GMDS: variants seen among roughly 807,000 people sequenced by gnomAD.
GMDS encodes GDP-mannose 4,6-dehydratase.
In GMDS, 20 loss-of-function variants were observed where a neutral mutation model predicts 49.9. The observed-to-expected ratio is 0.40, with a 90% CI of 0.28 to 0.58. The LOEUF (loss-of-function observed/expected upper bound fraction) is 0.58, where lower values mean the gene tolerates loss of function less well. Among genes scored for constraint, GMDS ranks in the 20% least tolerant of loss-of-function variants. The pLI, the probability that GMDS is intolerant of heterozygous loss-of-function variation, is 0.42. For missense variants in GMDS, 362 were observed against 481.4 expected (o/e 0.75, Z 2.32); for synonymous variants, 177 against 178.6 (o/e 0.99, Z 0.07).
At chr6:2,164,372 G>A (rs1043700212) in intron 1 of GMDS, among the ~76,000 whole-genome samples, 4 of 152,162 alleles carry the variant, frequency 2.6e-5, no homozygotes, top group Admixed American at 1.3e-4. Context: ...GGAGCCTGCT[G>A]GAGTTACTGG....
chr6:1,670,374 T>G (rs1481113736), intron 9 of GMDS, among the ~76,000 whole-genome samples: 50 of 151,850 alleles, frequency 3.3e-4, no homozygotes, highest in Non-Finnish European at 5.9e-4. Context: ...TTTTTGGTTT[T>G]TTTTTTTTTT....
chr6:2,221,540 C>T (rs1351967381), intron 1 of GMDS, among the ~76,000 whole-genome samples: 1 of 152,138 alleles, frequency 6.6e-6, no homozygotes, highest in African/African-American at 2.4e-5. Context: ...AGGCACCCGC[C>T]ACCACGACCG....
intron 7 of GMDS, among the ~76,000 whole-genome samples, chr6:1,842,735 G>T (rs1757202635): frequency 1.3e-5 from 2 of 152,186 alleles, no homozygotes; most frequent in South Asian, 4.1e-4. Context: ...CTATTTTGAG[G>T]GGTGGGGATA....
At chr6:1,826,832 T>G (rs1351754946) in intron 7 of GMDS, among the ~76,000 whole-genome samples, 2 of 152,006 alleles carry the variant, frequency 1.3e-5, no homozygotes, top group Non-Finnish European at 2.9e-5. Flanking sequence ...TTAGAGAGGC[T>G]GAGGTGGGAG....
At chr6:2,015,139 A>C (rs1240991114) in intron 4 of GMDS, among the ~76,000 whole-genome samples, 2 of 152,160 alleles carry the variant, frequency 1.3e-5, no homozygotes, top group African/African-American at 4.8e-5. Flanking sequence ...TCAGTAATTC[A>C]CAGATCCAAC....
At chr6:2,028,641 A>T (rs189466552) in intron 4 of GMDS, among the ~76,000 whole-genome samples, 52 of 152,342 alleles carry the variant, frequency 3.4e-4, no homozygotes, top group African/African-American at 1.2e-3. Context: ...CACTTTAAAT[A>T]AGGAAATGGG....
chr6:1,637,228 C>T (rs1386756336), intron 9 of GMDS, among the ~76,000 whole-genome samples: 1 of 152,188 alleles, frequency 6.6e-6, no homozygotes, highest in Non-Finnish European at 1.5e-5. Context: ...AGAGGCCTCC[C>T]TTGGCCCTGG....
At chr6:1,999,952 A>T (rs1455414284) in intron 4 of GMDS, among the ~76,000 whole-genome samples, 4 of 29,684 alleles carry the variant, frequency 1.3e-4, no homozygotes, top group African/African-American at 1.9e-4. Context: ...AATATATAAT[A>T]TGTATATTAT....
intron 4 of GMDS, among the ~76,000 whole-genome samples, chr6:2,005,874 CT>C (rs1181953265): frequency 6.6e-6 from 1 of 152,164 alleles, no homozygotes; most frequent in Non-Finnish European, 1.5e-5. Flanking sequence ...AATTCTCCTG[CT>C]ACTTTTCTAA....
At chr6:1,670,525 G>C (rs1450925250) in intron 9 of GMDS, among the ~76,000 whole-genome samples, 1 of 151,770 alleles carries the variant, frequency 6.6e-6, no homozygotes, top group African/African-American at 2.4e-5. Flanking sequence ...GAGCAGCTCA[G>C]ATATGTAAAA....
intron 4 of GMDS, among the ~76,000 whole-genome samples, chr6:1,987,151 C>A (rs1025037655): frequency 6.6e-6 from 1 of 152,040 alleles, no homozygotes; most frequent in African/African-American, 2.4e-5. Context: ...AGAAAAGGGA[C>A]TTGAGAAACC....
chr6:2,243,147 C>T (rs1781695016), intron 1 of GMDS, among the ~76,000 whole-genome samples: 1 of 152,154 alleles, frequency 6.6e-6, no homozygotes, highest in South Asian at 2.1e-4. Flanking sequence ...TCAACCCAAC[C>T]TGAAAGCCAT....
chr6:1,700,432 A>C (rs1281913989), intron 9 of GMDS, among the ~76,000 whole-genome samples: 2 of 152,152 alleles, frequency 1.3e-5, no homozygotes, highest in East Asian at 3.8e-4. Context: ...AGCAGGAGGG[A>C]AGGGAGAGCC....
At position 1,677,935 on chromosome 6, in the gene GMDS, T is replaced by TA. The variant is rs201155439; in HGVS notation, c.987+48480dup. The stretch of plus-strand genomic sequence containing the variant: ...CGTTGTACACATGCACCCTAGAACT[T>TA]AAAGTATAATAAAAAAATAAATAAA... On this transcript the variant is annotated intron_variant, in intron 9 of 10. Coordinates refer to ENST00000380815, the MANE Select transcript of GMDS (RefSeq NM_001500.4). 9.4e-3 allele frequency among the ~76,000 whole-genome samples: 1,434 copies of TA among 152,128 alleles called. 19 individuals carry two copies. Among genetic ancestry groups the TA allele is most frequent in the African/African-American group, 0.033 (1,377 of 41,496 alleles).
intron 2 of GMDS, among the ~76,000 whole-genome samples, chr6:2,119,630 G>A (rs1775033241): frequency 6.6e-6 from 1 of 152,172 alleles, no homozygotes; most frequent in Non-Finnish European, 1.5e-5. Flanking sequence ...CTTTACAGAA[G>A]GGATGTAGGT....
chr6:1,824,939 T>C (rs1771045249), intron 7 of GMDS, among the ~76,000 whole-genome samples: 1 of 152,216 alleles, frequency 6.6e-6, no homozygotes, highest in Admixed American at 6.5e-5. Flanking sequence ...TGCACTATCA[T>C]ATTTAAATCA....
At chr6:2,226,898 G>C (rs1003326811) in intron 1 of GMDS, among the ~76,000 whole-genome samples, 3 of 152,174 alleles carry the variant, frequency 2.0e-5, no homozygotes, top group Non-Finnish European at 4.4e-5. Context: ...ATCAGTACTT[G>C]ATGACTCTGA....
intron 7 of GMDS, among the ~76,000 whole-genome samples, chr6:1,856,119 A>AG (rs947654190): frequency 4.6e-5 from 7 of 152,178 alleles, no homozygotes; most frequent in African/African-American, 9.6e-5. Flanking sequence ...AGACTGCCTC[A>AG]GGGGGTCAGT....
At chr6:1,903,064 G>A (rs1051879100) in intron 7 of GMDS, among the ~76,000 whole-genome samples, 1 of 152,078 alleles carries the variant, frequency 6.6e-6, no homozygotes, top group Non-Finnish European at 1.5e-5. Flanking sequence ...ACAGCAATCA[G>A]GAGATTCACT....
Sources: gnomAD v4.1 joint callset for allele counts (sites outside exome capture counted in the v4.1 genomes callset) on GRCh38, gnomAD v4.1.1 for gene constraint, MANE v1.5 for transcripts, NCBI Gene and HGNC (gene_info 2026-07-23, HGNC 2026-07-21) for gene names.